Variants in NRXN1 observed in about 807,000 individuals in gnomAD.
The protein encoded by NRXN1 is neurexin 1, also known as neurexin-1.
A neutral mutation model predicts 150.9 loss-of-function variants in NRXN1; 39 were observed. That is an observed-to-expected ratio of 0.26 (90% CI 0.20 to 0.34). The LOEUF (loss-of-function observed/expected upper bound fraction) is 0.34. Among genes scored for constraint, NRXN1 ranks in the 10% least tolerant of loss-of-function variants. The pLI, the probability that NRXN1 is intolerant of heterozygous loss-of-function variation, is 1.00. For missense variants in NRXN1, 1,815 were observed against 1,949.9 expected (o/e 0.93, Z 1.30); for synonymous variants, 924 against 757.0 (o/e 1.22, Z -3.62).
intron 3 of NRXN1, 49 bp downstream of exon 3, chr2:50,925,889 G>C (rs1325129702): frequency 1.4e-6 from 2 of 1,468,048 alleles, no homozygotes; most frequent in East Asian, 2.4e-5. Context: ...TTAGTACTAA[G>C]AAATAAAGGA....
At chr2:50,644,347 C>T (rs1273034490) in intron 5 of NRXN1, among the ~76,000 whole-genome samples, 1 of 151,646 alleles carries the variant, frequency 6.6e-6, no homozygotes, top group Non-Finnish European at 1.5e-5. Context: ...TAGCTTGTTT[C>T]CACCAGATAC....
At chr2:50,609,103 T>C (rs923214098) in intron 8 of NRXN1, among the ~76,000 whole-genome samples, 1 of 152,162 alleles carries the variant, frequency 6.6e-6, no homozygotes, top group Non-Finnish European at 1.5e-5. Context: ...ATTAGGGATA[T>C]GGCTCTGATA....
intron 5 of NRXN1, among the ~76,000 whole-genome samples, chr2:50,816,290 A>G (rs1188873815): frequency 6.6e-6 from 1 of 152,044 alleles, no homozygotes; most frequent in East Asian, 1.9e-4. Context: ...TAGGAATCTC[A>G]TTGGATATCA....
At chr2:50,311,644 T>G (rs1345638815) in intron 17 of NRXN1, among the ~76,000 whole-genome samples, 1 of 152,238 alleles carries the variant, frequency 6.6e-6, no homozygotes, top group East Asian at 1.9e-4. Context: ...CATGATGACC[T>G]TTTCATAATA....
intron 5 of NRXN1, among the ~76,000 whole-genome samples, chr2:50,816,108 TC>T (rs1198124139): frequency 6.6e-6 from 1 of 152,194 alleles, no homozygotes; most frequent in Non-Finnish European, 1.5e-5. Flanking sequence ...AAATATTGTA[TC>T]TTTTTGTTGT....
chr2:50,143,514 G>A (rs570049725), intron 18 of NRXN1, among the ~76,000 whole-genome samples: 4 of 151,998 alleles, frequency 2.6e-5, no homozygotes, highest in South Asian at 4.2e-4. Flanking sequence ...CAAGGGAAAC[G>A]ATATGTAACT....
chr2:50,594,204 C>T (rs144881842), intron 8 of NRXN1, among the ~76,000 whole-genome samples: 9 of 152,272 alleles, frequency 5.9e-5, no homozygotes, highest in African/African-American at 2.2e-4. Flanking sequence ...CAGACTATTA[C>T]AGATATAATT....
At position 51,028,061 on chromosome 2, in the gene NRXN1, G is replaced by T; in HGVS notation, c.213C>A (p.Asp71Glu). The change falls in exon 2 of 23, where the codon GAC becomes GAA. Residue 71 changes from aspartate to glutamate, a missense_variant. Around this residue, in one of 6 missense-constraint regions of NRXN1, gnomAD observed 554 missense variants for 478.8 expected, o/e 1.16. Transcript: ENST00000401669. ...RSARGLVLYFDDEGFCDFLEL... is the reference protein window; with the variant it reads ...RSARGLVLYFEDEGFCDFLEL... ...CCAGGAAGTCGCAGAAGCCCTCGTC[G>T]TCGAAGTAGAGCACGAGGCCGCGGG... 1 of 1,597,852 alleles carries T rather than the reference G, an allele frequency of 6.3e-7. No individual in the cohort carries two copies. The highest frequency in any genetic ancestry group is 8.5e-7 in the Non-Finnish European group (1 of 1,176,058).
chr2:50,370,830 A>G (rs1049122147), intron 17 of NRXN1, among the ~76,000 whole-genome samples: 1 of 151,986 alleles, frequency 6.6e-6, no homozygotes, highest in Non-Finnish European at 1.5e-5. Context: ...CTTTCTACTT[A>G]ATTCCTTTGC....
At chr2:49,986,478 T>G (rs1488317941) in intron 21 of NRXN1, among the ~76,000 whole-genome samples, 4 of 152,208 alleles carry the variant, frequency 2.6e-5, no homozygotes, top group Non-Finnish European at 5.9e-5. Flanking sequence ...TCTTTTAAAT[T>G]AGAAGACTGG....
At chr2:49,922,557 T>TA (rs965602705) in intron 22 of NRXN1, among the ~76,000 whole-genome samples, 38 of 151,720 alleles carry the variant, frequency 2.5e-4, no homozygotes, top group East Asian at 5.8e-4. Flanking sequence ...GTGACTTAAG[T>TA]AAAAAAAACC....
chr2:50,818,930 G>C (rs67366248), intron 5 of NRXN1, among the ~76,000 whole-genome samples: 1 of 151,928 alleles, frequency 6.6e-6, no homozygotes, highest in Non-Finnish European at 1.5e-5. Context: ...CAGTAATCAA[G>C]CAAGGAAATG....
intron 17 of NRXN1, among the ~76,000 whole-genome samples, chr2:50,420,626 T>C (rs901286786): frequency 7.9e-5 from 12 of 152,014 alleles, no homozygotes; most frequent in African/African-American, 2.9e-4. Flanking sequence ...CCATATGAGG[T>C]ATTTCACTTA....
At chr2:50,995,812 T>C (rs1326761384) in intron 2 of NRXN1, among the ~76,000 whole-genome samples, 3 of 152,050 alleles carry the variant, frequency 2.0e-5, no homozygotes, top group African/African-American at 7.2e-5. Context: ...CAATAATTCT[T>C]GTGTGACTAA....
At chr2:50,008,484 T>TTTTTG (rs1685125328) in intron 21 of NRXN1, among the ~76,000 whole-genome samples, 1 of 151,078 alleles carries the variant, frequency 6.6e-6, no homozygotes, top group Admixed American at 6.6e-5. Context: ...TTTTTTTTTT[T>TTTTTG]GAGATGGAGT....
In NRXN1 at chr2:51,028,278, G is replaced by C. The variant is rs776472584; in HGVS notation, c.-5C>G. 8 of 1,435,838 alleles carry C rather than the reference G, an allele frequency of 5.6e-6. No homozygotes were observed. Among genetic ancestry groups the C allele is most frequent in the South Asian group, 1.5e-5 (1 of 65,708 alleles). 88.9% of individuals were successfully genotyped at this position (1,435,838 alleles called of 1,614,324 possible). ...CTGGAGCAGCGCCGTCCCCATGCTC[G>C]GGGCTGGGGTGCGGCGGGGGGGTGC... On this transcript the variant is annotated 5_prime_UTR_variant, in exon 2 of 23. Transcript: ENST00000401669.
At chr2:50,214,388 T>C (rs57567365) in intron 18 of NRXN1, among the ~76,000 whole-genome samples, 2,988 of 152,050 alleles carry the variant, frequency 0.02, 108 homozygotes, top group African/African-American at 0.069. Context: ...ATGCTAAATA[T>C]TTTCGGTTCC....
At chr2:51,005,722 AC>A (rs2105136600) in intron 2 of NRXN1, among the ~76,000 whole-genome samples, 1 of 152,096 alleles carries the variant, frequency 6.6e-6, no homozygotes, top group South Asian at 2.1e-4. Context: ...GAAGTAAAGA[AC>A]AAAGGAAATA....
At chr2:50,383,698 A>G (rs931358238) in intron 17 of NRXN1, among the ~76,000 whole-genome samples, 20 of 152,190 alleles carry the variant, frequency 1.3e-4, no homozygotes, top group African/African-American at 4.8e-4. Context: ...ACTCCCTGAA[A>G]ATAATATACA....
Sources: allele counts gnomAD v4.1 joint callset (sites outside exome capture counted in the v4.1 genomes callset), GRCh38; gene constraint gnomAD v4.1.1; regional missense constraint gnomAD v4.1.1; transcripts MANE v1.5; gene names NCBI Gene and HGNC (gene_info 2026-07-23, HGNC 2026-07-21).